The following CLSTN2 variants were observed in gnomAD, a reference collection of about 807,000 sequenced individuals.
CLSTN2 encodes calsyntenin 2, also known as calsyntenin-2.
CLSTN2 carries 48 observed loss-of-function variants against 101.2 expected under a neutral mutation model. That is an observed-to-expected ratio of 0.47 (90% CI 0.38 to 0.60). The LOEUF (loss-of-function observed/expected upper bound fraction) is 0.60, where lower values mean the gene tolerates loss of function less well. Ranked by LOEUF, CLSTN2 falls within the 20% of genes least tolerant of loss-of-function variation. The pLI is 0.00. For missense variants in CLSTN2, 1,160 were observed against 1,238.2 expected (o/e 0.94, Z 0.95); for synonymous variants, 481 against 463.6 (o/e 1.04, Z -0.48).
intron 2 of CLSTN2, among the ~76,000 whole-genome samples, chr3:140,274,841 GC>G (rs1287061468): frequency 6.6e-6 from 1 of 152,190 alleles, no homozygotes; most frequent in Non-Finnish European, 1.5e-5. Context: ...CAGAATTTAA[GC>G]TGGGAAATCA....
At chr3:140,409,301 G>A (rs2088337648) in intron 4 of CLSTN2, among the ~76,000 whole-genome samples, 1 of 152,210 alleles carries the variant, frequency 6.6e-6, no homozygotes, top group Admixed American at 6.5e-5. Context: ...GCCTGCACGA[G>A]TCCTTTGTCA....
At position 140,556,674 on chromosome 3, in the gene CLSTN2, T is replaced by C. The variant is rs774354893; in HGVS notation, c.1823+13T>C. ...CCTCCAAAGTCCAGTGAGTGGACGCTGGTCAGCCTGGGGCCAACTGAGGCA... is the reference window on the plus strand; with the variant it reads ...CCTCCAAAGTCCAGTGAGTGGACGCCGGTCAGCCTGGGGCCAACTGAGGCA... On this transcript the variant is annotated intron_variant, in intron 11 of 16. Coordinates refer to ENST00000458420, the MANE Select transcript of CLSTN2 (RefSeq NM_022131.3). 8 of 1,613,264 alleles carry C rather than the reference T, an allele frequency of 5.0e-6. No individual in the cohort carries two copies. The highest frequency in any genetic ancestry group is 6.8e-6 in the Non-Finnish European group (8 of 1,179,558).
At chr3:140,236,315 T>C (rs1417513578) in intron 2 of CLSTN2, among the ~76,000 whole-genome samples, 1 of 152,222 alleles carries the variant, frequency 6.6e-6, no homozygotes, top group Non-Finnish European at 1.5e-5. Context: ...GTCTTCTGAC[T>C]TGTATTGTTA....
At chr3:140,190,076 T>C (rs947802484) in intron 2 of CLSTN2, among the ~76,000 whole-genome samples, 2 of 152,178 alleles carry the variant, frequency 1.3e-5, no homozygotes, top group Non-Finnish European at 2.9e-5. Context: ...GGGCCTGTTT[T>C]ATAAGGGACC....
intron 1 of CLSTN2, among the ~76,000 whole-genome samples, chr3:140,034,420 A>G (rs2007615789): frequency 6.6e-6 from 1 of 152,184 alleles, no homozygotes; most frequent in African/African-American, 2.4e-5. Context: ...AGGCCACAGG[A>G]GTCTTGAATG....
intron 2 of CLSTN2, among the ~76,000 whole-genome samples, chr3:140,401,111 G>C (rs1466237406): frequency 6.6e-6 from 1 of 152,252 alleles, no homozygotes; most frequent in Non-Finnish European, 1.5e-5. Context: ...TTGGCACATA[G>C]TGCCTAAAAA....
At chr3:140,205,200 G>A (rs756905534) in intron 2 of CLSTN2, among the ~76,000 whole-genome samples, 3 of 152,102 alleles carry the variant, frequency 2.0e-5, no homozygotes, top group Non-Finnish European at 4.4e-5. Context: ...GTGTTTGCTG[G>A]GATTTAACTA....
chr3:140,395,908 G>C (rs933643661), intron 2 of CLSTN2, among the ~76,000 whole-genome samples: 2 of 152,148 alleles, frequency 1.3e-5, no homozygotes, highest in Non-Finnish European at 2.9e-5. Flanking sequence ...ACCATAATCT[G>C]TCTGGAGGGA....
intron 2 of CLSTN2, among the ~76,000 whole-genome samples, chr3:140,325,114 C>T (rs2087318872): frequency 6.6e-6 from 1 of 152,098 alleles, no homozygotes; most frequent in Non-Finnish European, 1.5e-5. Flanking sequence ...CTCAGGCTGG[C>T]CTTGAACTCC....
At chr3:140,031,682 G>C (rs771153598) in intron 1 of CLSTN2, among the ~76,000 whole-genome samples, 47 of 152,340 alleles carry the variant, frequency 3.1e-4, no homozygotes, top group East Asian at 1.2e-3. Flanking sequence ...AACAAGGATA[G>C]TGTATGTGAG....
intron 2 of CLSTN2, among the ~76,000 whole-genome samples, chr3:140,357,956 G>T (rs1214923963): frequency 1.3e-5 from 2 of 152,176 alleles, no homozygotes; most frequent in Non-Finnish European, 2.9e-5. Context: ...AATGTAAAGT[G>T]CCCTGGCAAG....
At chr3:140,385,647 G>C (rs2088043911) in intron 2 of CLSTN2, among the ~76,000 whole-genome samples, 1 of 151,978 alleles carries the variant, frequency 6.6e-6, no homozygotes, top group Non-Finnish European at 1.5e-5. Context: ...AAAGTACTGG[G>C]ATTACAGCCG....
intron 1 of CLSTN2, among the ~76,000 whole-genome samples, chr3:140,127,325 A>G (rs1283973397): frequency 6.6e-6 from 1 of 152,188 alleles, no homozygotes; most frequent in East Asian, 1.9e-4. Context: ...CTCCATGACA[A>G]TGGTAGAATT....
intron 5 of CLSTN2, among the ~76,000 whole-genome samples, chr3:140,424,890 G>T (rs2088547388): frequency 6.6e-6 from 1 of 152,058 alleles, no homozygotes; most frequent in Admixed American, 6.6e-5. Context: ...GGGGAGGGTG[G>T]GTGGTTGAGG....
At chr3:140,554,485 T>C (rs1348163156) in intron 10 of CLSTN2, among the ~76,000 whole-genome samples, 1 of 152,238 alleles carries the variant, frequency 6.6e-6, no homozygotes, top group Non-Finnish European at 1.5e-5. Flanking sequence ...TTTATCAGAT[T>C]GGCAAAAATC....
At chr3:140,003,441 C>T (rs1400826062) in intron 1 of CLSTN2, among the ~76,000 whole-genome samples, 2 of 151,976 alleles carry the variant, frequency 1.3e-5, no homozygotes, top group South Asian at 2.1e-4. Flanking sequence ...GTTTTAATAG[C>T]TTTTTGTGGA....
intron 2 of CLSTN2, among the ~76,000 whole-genome samples, chr3:140,333,722 A>T (rs928894642): frequency 1.3e-5 from 2 of 149,754 alleles, no homozygotes; most frequent in Non-Finnish European, 3.0e-5. Flanking sequence ...GTGTATCTGA[A>T]TTAATTTAAA....
chr3:140,101,956 C>T (rs1445548671), intron 1 of CLSTN2, among the ~76,000 whole-genome samples: 1 of 152,182 alleles, frequency 6.6e-6, no homozygotes, highest in Non-Finnish European at 1.5e-5. Flanking sequence ...GTTTGGGGAA[C>T]ATGAACTCTC....
intron 8 of CLSTN2, among the ~76,000 whole-genome samples, chr3:140,484,859 G>A (rs139576455): frequency 0.027 from 4,031 of 152,102 alleles, 167 homozygotes; most frequent in African/African-American, 0.091. Flanking sequence ...TTAGCCATTC[G>A]TCTTATTTTT....
Sources: allele counts gnomAD v4.1 joint callset (sites outside exome capture counted in the v4.1 genomes callset), GRCh38; gene constraint gnomAD v4.1.1; transcripts MANE v1.5; gene names NCBI Gene and HGNC (gene_info 2026-07-23, HGNC 2026-07-21).